SUMF1: variants seen among roughly 807,000 people sequenced by gnomAD.
The protein encoded by SUMF1 is formylglycine-generating enzyme.
In SUMF1, 48 loss-of-function variants were observed where a neutral mutation model predicts 47.6. The observed-to-expected ratio is 1.01, with a 90% CI of 0.80 to 1.28. The LOEUF (loss-of-function observed/expected upper bound fraction) is 1.28. Ranked by LOEUF, SUMF1 falls within the 50% of genes most tolerant of loss-of-function variation. The probability of loss-of-function intolerance (pLI) is 0.00; values close to 1 mark genes in which losing one functional copy is unlikely to be tolerated. For missense variants in SUMF1, 571 were observed against 485.4 expected (o/e 1.18, Z -1.66); for synonymous variants, 230 against 192.1 (o/e 1.20, Z -1.63).
rs139922956 is a variant in SUMF1 at position 4,280,397 on chromosome 3, G to A, written c.1014+95933C>T. Reference sequence around the variant, plus strand: ...CACTGGGAATTCAAAGATGAAAAGTGCAATGGCTCTCTTCAAGTAGCTCAC... The same window carrying A: ...CACTGGGAATTCAAAGATGAAAAGTACAATGGCTCTCTTCAAGTAGCTCAC... On this transcript the variant is annotated intron_variant and NMD_transcript_variant, in intron 8 of 12. Coordinates refer to the SUMF1 transcript ENST00000448413. Among the ~76,000 whole-genome samples the A allele has an allele frequency of 7.2e-5, 11 of 152,154 alleles. No homozygotes were observed. The East Asian group carries it at 1.4e-3, about 19-fold the overall frequency.
chr3:4,313,477 C>T (rs1698504411), intron 8 of SUMF1: 6 of 1,613,918 alleles, frequency 3.7e-6, no homozygotes, highest in Non-Finnish European at 5.1e-6. Context: ...TAAGTTGGCA[C>T]TTTTTGCAGC....
At chr3:4,433,204 A>G (rs1236819275) in intron 3 of SUMF1, among the ~76,000 whole-genome samples, 1 of 152,200 alleles carries the variant, frequency 6.6e-6, no homozygotes, top group Non-Finnish European at 1.5e-5. Context: ...GGAACATCAG[A>G]ATCATTGTTA....
chr3:4,415,875 C>T (rs764739393), intron 6 of SUMF1, among the ~76,000 whole-genome samples: 16 of 152,094 alleles, frequency 1.1e-4, no homozygotes, highest in Admixed American at 7.2e-4. Flanking sequence ...CTCTTTTGCC[C>T]GCCTTCTGCC....
chr3:4,088,541 TTTA>T (rs1464054961), intron 8 of SUMF1, among the ~76,000 whole-genome samples: 3 of 152,058 alleles, frequency 2.0e-5, no homozygotes, highest in African/African-American at 2.4e-5. Flanking sequence ...CCCTTCCTCC[TTTA>T]TTTTGTCTAT....
chr3:4,445,344 G>C (rs969890049), intron 3 of SUMF1, among the ~76,000 whole-genome samples: 4 of 151,774 alleles, frequency 2.6e-5, no homozygotes, highest in African/African-American at 4.8e-5. Flanking sequence ...GTTTTGTTTT[G>C]TTTTCTCCCC....
intron 9 of SUMF1, among the ~76,000 whole-genome samples, chr3:4,054,023 T>C (rs1272865394): frequency 6.6e-6 from 1 of 151,994 alleles, no homozygotes; most frequent in East Asian, 1.9e-4. Flanking sequence ...CTCTACCAAA[T>C]CAATTTCTAA....
At chr3:4,228,510 T>C (rs932409341) in intron 8 of SUMF1, among the ~76,000 whole-genome samples, 9 of 152,126 alleles carry the variant, frequency 5.9e-5, no homozygotes, top group African/African-American at 2.2e-4. Context: ...TAGAACCAAC[T>C]CTGACTAATA....
chr3:4,108,366 G>C (rs1270966154), intron 8 of SUMF1, among the ~76,000 whole-genome samples: 1 of 152,140 alleles, frequency 6.6e-6, no homozygotes, highest in Non-Finnish European at 1.5e-5. Context: ...TTTGGAATAA[G>C]CGCAGTGTGG....
intron 8 of SUMF1, chr3:4,312,873 C>A (rs1438414891): frequency 6.3e-7 from 1 of 1,586,622 alleles, no homozygotes; most frequent in Non-Finnish European, 8.6e-7. Flanking sequence ...GCCGTGCTGA[C>A]TTACAGTGTG....
chr3:4,280,814 CGTGTGTGTGTGT>C (rs56919301), intron 8 of SUMF1, among the ~76,000 whole-genome samples: 2,190 of 138,040 alleles, frequency 0.016, 26 homozygotes, highest in African/African-American at 0.029. Context: ...TGGCATTCAC[CGTGTGTGTGTGT>C]GTGTGTGTGT....
Position 4,133,923 on chromosome 3 carries a change from G to T in SUMF1, c.1015-65178C>A, listed in dbSNP as rs533680025. ...GAACAGTATCATTAAAATTGGGATG[G>T]GAACACACGGGCAGACTGACGAATC... On this transcript the variant is annotated intron_variant and NMD_transcript_variant, in intron 8 of 12. Transcript: ENST00000448413. 3.9e-5 allele frequency among the ~76,000 whole-genome samples: 6 copies of T among 152,002 alleles called. No individual in the cohort carries two copies. The South Asian group carries it at 1.2e-3, about 32-fold the overall frequency.
At chr3:4,173,713 G>A (rs1261300929) in intron 8 of SUMF1, among the ~76,000 whole-genome samples, 1 of 152,136 alleles carries the variant, frequency 6.6e-6, no homozygotes, top group Non-Finnish European at 1.5e-5. Context: ...GAAAGGATGA[G>A]TTCATGTGCT....
chr3:4,056,656 T>TA (rs1428332925), intron 9 of SUMF1, among the ~76,000 whole-genome samples: 5 of 151,876 alleles, frequency 3.3e-5, no homozygotes, highest in East Asian at 3.8e-4. Flanking sequence ...GAGACGTCTC[T>TA]AAAAAAAAGC....
chr3:4,174,572 A>C (rs1047793343), intron 8 of SUMF1, among the ~76,000 whole-genome samples: 1 of 151,964 alleles, frequency 6.6e-6, no homozygotes, highest in African/African-American at 2.4e-5. Flanking sequence ...GGGCGTTCCA[A>C]GATGGCCGAA....
chr3:4,456,436 G>A (rs777996243), intron 1 of SUMF1, among the ~76,000 whole-genome samples: 19 of 149,218 alleles, frequency 1.3e-4, no homozygotes, highest in Non-Finnish European at 2.7e-4. Flanking sequence ...CCTGACTGTA[G>A]ATGCCATGTT....
intron 8 of SUMF1, among the ~76,000 whole-genome samples, chr3:4,159,134 T>A (rs757355386): frequency 2.0e-5 from 3 of 151,442 alleles, no homozygotes; most frequent in Admixed American, 2.0e-4. Flanking sequence ...GTGTACTTAC[T>A]ATTACCAGTA....
intron 8 of SUMF1, among the ~76,000 whole-genome samples, chr3:4,245,433 T>C (rs944047111): frequency 2.0e-5 from 3 of 152,168 alleles, no homozygotes; most frequent in Non-Finnish European, 4.4e-5. Context: ...GTGGATGTCC[T>C]TTTTGTTGAT....
At chr3:4,104,390 C>A (rs1298936693) in intron 8 of SUMF1, among the ~76,000 whole-genome samples, 1 of 152,014 alleles carries the variant, frequency 6.6e-6, no homozygotes, top group Non-Finnish European at 1.5e-5. Flanking sequence ...TATATCTTTA[C>A]CAGCAGCATG....
At chr3:4,041,014 C>T (rs545494006) in intron 9 of SUMF1, among the ~76,000 whole-genome samples, 19 of 152,264 alleles carry the variant, frequency 1.2e-4, no homozygotes, top group African/African-American at 4.6e-4. Context: ...TGGCAGTTCC[C>T]AAAGAGTGCC....
Sources: gnomAD v4.1 joint callset for allele counts (sites outside exome capture counted in the v4.1 genomes callset) on GRCh38, gnomAD v4.1.1 for gene constraint, MANE v1.5 for transcripts, NCBI Gene and HGNC (gene_info 2026-07-23, HGNC 2026-07-21) for gene names.